Variants in KIAA1549L observed in about 807,000 individuals in gnomAD.
KIAA1549L encodes the protein UPF0606 protein KIAA1549L.
In KIAA1549L, 88 loss-of-function variants were observed where a neutral mutation model predicts 160.7. The ratio of observed to expected loss-of-function variants is 0.55; its 90% CI spans 0.46 to 0.65. The LOEUF (loss-of-function observed/expected upper bound fraction) is 0.65. Ranked by LOEUF, KIAA1549L falls within the 30% of genes least tolerant of loss-of-function variation. KIAA1549L has a pLI of 0.00. For synonymous variants in KIAA1549L, 950 were observed against 976.7 expected (o/e 0.97, Z 0.51); for missense variants, 2,258 against 2,437.5 (o/e 0.93, Z 1.55).
rs527377289 is a variant in KIAA1549L at position 33,380,188 on chromosome 11, C to T, written c.238+3299C>T. Among the ~76,000 whole-genome samples the T allele has an allele frequency of 2.2e-4, 33 of 152,308 alleles. 1 individual carries two copies. In the South Asian group the frequency reaches 6.0e-3, roughly 28 times the overall value. ...CCTCTGCCGGCTGAAGGGCTCTGAG[C>T]GGCTGTGTGCTTCTCCCTCCAACTT... On this transcript the variant is annotated intron_variant, in intron 1 of 20. Transcript: ENST00000658780.
At chr11:33,508,633 C>T (rs187250677) in intron 1 of KIAA1549L, among the ~76,000 whole-genome samples, 3 of 152,332 alleles carry the variant, frequency 2.0e-5, no homozygotes, top group Admixed American at 6.5e-5. Flanking sequence ...TTCACATCCA[C>T]GTTCACCTCA....
intron 13 of KIAA1549L, among the ~76,000 whole-genome samples, chr11:33,605,491 C>T (rs1850477560): frequency 6.6e-6 from 1 of 152,094 alleles, no homozygotes; most frequent in African/African-American, 2.4e-5. Context: ...ATTTGCAAAT[C>T]AGCCCACAGA....
chr11:33,406,607 A>C (rs1850658768), intron 1 of KIAA1549L, among the ~76,000 whole-genome samples: 1 of 152,246 alleles, frequency 6.6e-6, no homozygotes, highest in Admixed American at 6.5e-5. Context: ...CAGAGTTGGC[A>C]GCCCCTGAAA....
chr11:33,475,541 G>C (rs1219748046), intron 1 of KIAA1549L, among the ~76,000 whole-genome samples: 1 of 151,048 alleles, frequency 6.6e-6, no homozygotes, highest in Non-Finnish European at 1.5e-5. Context: ...AGGTGACAGA[G>C]TGAGATCCTG....
intron 15 of KIAA1549L, among the ~76,000 whole-genome samples, chr11:33,615,651 A>G (rs1682334264): frequency 6.6e-6 from 1 of 152,130 alleles, no homozygotes; most frequent in Non-Finnish European, 1.5e-5. Flanking sequence ...CTCCGAGACA[A>G]AAGTAGACTG....
At chr11:33,387,860 A>G (rs1850203274) in intron 1 of KIAA1549L, among the ~76,000 whole-genome samples, 1 of 152,162 alleles carries the variant, frequency 6.6e-6, no homozygotes, top group Non-Finnish European at 1.5e-5. Context: ...GAGTTCTACC[A>G]TCTGCATTTC....
chr11:33,513,859 G>A (rs1267746518), intron 1 of KIAA1549L, among the ~76,000 whole-genome samples: 1 of 152,146 alleles, frequency 6.6e-6, no homozygotes, highest in Non-Finnish European at 1.5e-5. Flanking sequence ...GGACACCAGT[G>A]GACAAAGTGA....
intron 1 of KIAA1549L, among the ~76,000 whole-genome samples, chr11:33,425,144 C>T (rs545848697): frequency 1.3e-5 from 2 of 152,236 alleles, no homozygotes; most frequent in African/African-American, 2.4e-5. Context: ...GCTCTAATTC[C>T]ATCTCAAGGA....
intron 16 of KIAA1549L, among the ~76,000 whole-genome samples, chr11:33,627,311 G>A (rs890085083): frequency 2.0e-5 from 3 of 149,676 alleles, no homozygotes; most frequent in African/African-American, 7.4e-5. Flanking sequence ...TCTATTGATT[G>A]GAATAGTTTC....
At chr11:33,650,002 C>T (rs981209114) in intron 17 of KIAA1549L, among the ~76,000 whole-genome samples, 7 of 152,184 alleles carry the variant, frequency 4.6e-5, no homozygotes, top group Admixed American at 4.6e-4. Flanking sequence ...TCTGGGGCTC[C>T]TTCCACCTCT....
intron 10 of KIAA1549L, among the ~76,000 whole-genome samples, chr11:33,577,900 G>T (rs7128963): frequency 6.6e-6 from 1 of 151,918 alleles, no homozygotes; most frequent in Non-Finnish European, 1.5e-5. Context: ...CTGGCTCAGT[G>T]TCTCTTCCTC....
chr11:33,647,375 CAA>C (rs10578169), intron 17 of KIAA1549L, among the ~76,000 whole-genome samples: 3 of 115,114 alleles, frequency 2.6e-5, no homozygotes, highest in Admixed American at 1.7e-4. Context: ...GACTCTGTCT[CAA>C]AAAAAAAAAA....
intron 1 of KIAA1549L, among the ~76,000 whole-genome samples, chr11:33,406,677 C>G (rs1300542770): frequency 6.6e-6 from 1 of 152,244 alleles, no homozygotes; most frequent in Non-Finnish European, 1.5e-5. Context: ...TCTTAAGGCC[C>G]CCTAGCCCTC....
chr11:33,456,822 A>G, intron 1 of KIAA1549L, among the ~76,000 whole-genome samples: 1 of 152,232 alleles, frequency 6.6e-6, no homozygotes. Flanking sequence ...GTTCAATGTA[A>G]TATCAAAATC....
At position 33,668,400 on chromosome 11, in the gene KIAA1549L, C is replaced by T; in HGVS notation, c.*246C>T. The T allele has an allele frequency of 1.8e-6, 1 of 544,346 alleles. No individual in the cohort carries two copies. The highest frequency in any genetic ancestry group is 3.3e-6 in the Non-Finnish European group (1 of 305,420). 33.7% of individuals were successfully genotyped at this position (544,346 alleles called of 1,614,324 possible). On this transcript the variant is annotated 3_prime_UTR_variant, in exon 21 of 21. Transcript: ENST00000658780. ...CCTTATGTTTGATACTCTCTCATGTCAAATGTTTGAACTTTGGGCATGTGC... is the reference window on the plus strand; with the variant it reads ...CCTTATGTTTGATACTCTCTCATGTTAAATGTTTGAACTTTGGGCATGTGC...
At chr11:33,647,375 C>CA (rs10578169) in intron 17 of KIAA1549L, among the ~76,000 whole-genome samples, 6,457 of 114,586 alleles carry the variant, frequency 0.056, 627 homozygotes, top group African/African-American at 0.2. Context: ...GACTCTGTCT[C>CA]AAAAAAAAAA....
intron 1 of KIAA1549L, among the ~76,000 whole-genome samples, chr11:33,540,920 G>A (rs1166748651): frequency 1.3e-5 from 2 of 152,124 alleles, no homozygotes; most frequent in Non-Finnish European, 2.9e-5. Flanking sequence ...ACCCTGATGA[G>A]TTCTAAAAAT....
intron 1 of KIAA1549L, among the ~76,000 whole-genome samples, chr11:33,438,843 G>GA (rs1415430067): frequency 2.1e-4 from 27 of 126,068 alleles, no homozygotes; most frequent in Non-Finnish European, 1.8e-4. Context: ...GCAGGGATTT[G>GA]AAGGTTTTTT....
chr11:33,506,546 C>T (rs1295537787), intron 1 of KIAA1549L, among the ~76,000 whole-genome samples: 10 of 151,868 alleles, frequency 6.6e-5, no homozygotes, highest in East Asian at 1.9e-4. Flanking sequence ...GGCAACATAG[C>T]GAGACCCTAC....
Sources: gnomAD v4.1 joint callset for allele counts (sites outside exome capture counted in the v4.1 genomes callset) on GRCh38, gnomAD v4.1.1 for gene constraint, MANE v1.5 for transcripts, NCBI Gene and HGNC (gene_info 2026-07-23, HGNC 2026-07-21) for gene names.